Variants in ENPP2 observed in about 807,000 individuals in gnomAD.
ENPP2 encodes ectonucleotide pyrophosphatase/phosphodiesterase 2.
Under a neutral mutation model 120.2 loss-of-function variants are expected in ENPP2, and 51 were observed. The observed-to-expected ratio is 0.42, with a 90% CI of 0.34 to 0.54. The LOEUF (loss-of-function observed/expected upper bound fraction) is 0.54, where lower values mean the gene tolerates loss of function less well. ENPP2 is among the 20% of genes least tolerant of loss of function. ENPP2 has a pLI of 0.04. For missense variants in ENPP2, 920 were observed against 1,066.5 expected, an observed-to-expected ratio of 0.86 and a Z score of 1.91; for synonymous variants, 365 against 366.4, an observed-to-expected ratio of 1.00 and a Z score of 0.04.
At chr8:119,643,747 A>C (rs1309068311), upstream of ENPP2, among the ~76,000 whole-genome samples, 1 of 152,214 alleles carries the variant, frequency 6.6e-6, no homozygotes. Context: ...GTAAAATTAC[A>C]ACTGTGGAAA....
intron 3 of ENPP2, among the ~76,000 whole-genome samples, chr8:119,623,477 A>AAG (rs752875513): frequency 6.6e-6 from 1 of 152,120 alleles, no homozygotes; most frequent in African/African-American, 2.4e-5. Context: ...AAGATTAAAA[A>AAG]AGAGAGAGAG....
Position 119,586,177 on chromosome 8 carries a change from A to G in ENPP2, c.1367+9T>C. The G allele has an allele frequency of 1.2e-6, 2 of 1,613,704 alleles. No individual in the cohort carries two copies. The highest frequency in any genetic ancestry group is 1.7e-6 in the Non-Finnish European group (2 of 1,179,782). ...AATGAGAAACAGAAATAGCCCATAT[A>G]CCAGTTACCTTGCAACATGCCATCT... On this transcript the variant is annotated intron_variant, in intron 15 of 24. Transcript: ENST00000075322.
Position 119,626,734 on chromosome 8 carries a change from G to C in ENPP2, c.137-14C>G. 1 of 1,613,450 alleles carries C rather than the reference G, an allele frequency of 6.2e-7. No homozygotes were observed. The highest frequency in any genetic ancestry group is 8.5e-7 in the Non-Finnish European group (1 of 1,179,564). ...AGTCTGATAGCACTGCAAAGAACAA[G>C]AGGCAAAAACAATGGACTGGAGAGT... On this transcript the variant is annotated splice_polypyrimidine_tract_variant and intron_variant, in intron 2 of 24. Transcript: ENST00000075322.
chr8:119,632,410 A>G (rs1487274695), intron 2 of ENPP2, among the ~76,000 whole-genome samples: 1 of 152,238 alleles, frequency 6.6e-6, no homozygotes, highest in African/African-American at 2.4e-5. Context: ...ATGAGATTCA[A>G]ATTCTATTGC....
upstream of ENPP2, among the ~76,000 whole-genome samples, chr8:119,639,990 C>G (rs1379980372): frequency 6.6e-6 from 1 of 152,122 alleles, no homozygotes; most frequent in Non-Finnish European, 1.5e-5. Flanking sequence ...TGTGTTCGTG[C>G]GTAAACAAAT....
intron 1 of ENPP2, among the ~76,000 whole-genome samples, chr8:119,645,421 T>C (rs1004421073): frequency 2.0e-5 from 3 of 152,252 alleles, no homozygotes; most frequent in Admixed American, 6.5e-5. Context: ...TAGTTAATAA[T>C]GACAACTACT....
Position 119,616,246 on chromosome 8 carries a change from C to T in ENPP2, c.777+19G>A. The T allele has an allele frequency of 6.3e-7, 1 of 1,598,540 alleles. No homozygotes were observed. The highest frequency in any genetic ancestry group is 8.5e-7 in the Non-Finnish European group (1 of 1,169,596). On this transcript the variant is annotated intron_variant, in intron 8 of 24. Transcript: ENST00000075322. ...ATGAACACACAAACACATAGACACA[C>T]AATAAATGCAAAACTTACCGGTTGA...
intron 19 of ENPP2, among the ~76,000 whole-genome samples, chr8:119,575,491 C>T (rs1812271514): frequency 1.3e-5 from 2 of 152,132 alleles, no homozygotes; most frequent in South Asian, 4.1e-4. Flanking sequence ...AGTCTCTCTA[C>T]TTAGGCCACA....
At chr8:119,657,388 T>C (rs563621051) in intron 1 of ENPP2, among the ~76,000 whole-genome samples, 18 of 152,220 alleles carry the variant, frequency 1.2e-4, no homozygotes, top group Non-Finnish European at 7.3e-5. Flanking sequence ...GTTTGTTCTA[T>C]TGGAAATTCT....
Position 119,593,775 on chromosome 8 carries a change from T to C in ENPP2, c.1058A>G (p.Asn353Ser). The C allele has an allele frequency of 6.2e-7, 1 of 1,610,908 alleles. No individual in the cohort carries two copies. Among genetic ancestry groups the C allele is most frequent in the Admixed American group, 1.7e-5 (1 of 60,016 alleles). The change falls in exon 12 of 25, where the codon AAC (asparagine) becomes AGC (serine). Residue 353 changes from asparagine (N) to serine (S), a missense_variant. By Grantham distance (46) the Asn-to-Ser change is conservative. Transcript: ENST00000075322. ...LKQLKLHRCVNVIFVGDHGME... is the reference protein window; with the variant it reads ...LKQLKLHRCVSVIFVGDHGME... ...ACCATGGTCTCCGACAAAGATGACGTTGACACACCGATGCAGTTTTAGTTG... is the reference window on the plus strand; with the variant it reads ...ACCATGGTCTCCGACAAAGATGACGCTGACACACCGATGCAGTTTTAGTTG...
intron 1 of ENPP2, among the ~76,000 whole-genome samples, chr8:119,657,902 T>C (rs564107295): frequency 6.6e-6 from 1 of 152,326 alleles, no homozygotes; most frequent in South Asian, 2.1e-4. Flanking sequence ...GCATTGGTGC[T>C]CACAGCTGCA....
rs147551991 is a variant in ENPP2, at chr8:119,562,920, G to A, written c.2358C>T (p.Asp786=). The A allele has an allele frequency of 1.8e-4, 288 of 1,614,162 alleles. No homozygotes were observed. The African/African-American group carries it at 1.9e-3, about 11-fold the overall frequency. The change falls in exon 24 of 25, where the codon GAC becomes GAT. Residue 786 remains aspartate, a synonymous_variant. Transcript: ENST00000075322. ...TGAAGGAGGACACAGAGAGAGGGCC[G>A]TCACACTTGTCGGCAGGCTGAGTGA... ...LDFTQPADKC[D]GPLSVSSFIL...
chr8:119,665,334 T>A (rs537619710), intron 1 of ENPP2, among the ~76,000 whole-genome samples: 25 of 152,304 alleles, frequency 1.6e-4, no homozygotes, highest in Non-Finnish European at 2.6e-4. Context: ...CACTCTACAA[T>A]GGACACCTTC....
chr8:119,641,324 A>AC (rs1389605563), upstream of ENPP2, among the ~76,000 whole-genome samples: 2 of 152,028 alleles, frequency 1.3e-5, no homozygotes, highest in Non-Finnish European at 2.9e-5. Context: ...GCTGAAAAAA[A>AC]AAAACAAAAA....
intron 1 of ENPP2, among the ~76,000 whole-genome samples, chr8:119,664,217 G>A (rs894709757): frequency 6.6e-6 from 1 of 152,202 alleles, no homozygotes. Context: ...AGAGAAGGAA[G>A]ATGATATTTG....
intron 2 of ENPP2, among the ~76,000 whole-genome samples, chr8:119,631,642 A>C (rs1302552215): frequency 7.2e-5 from 11 of 152,196 alleles, no homozygotes; most frequent in Non-Finnish European, 1.6e-4. Flanking sequence ...TTAAATTAAC[A>C]AATAAATAAA....
At position 119,669,722 on chromosome 8, in the gene ENPP2, A is replaced by T. The variant is rs1818184653; in HGVS notation, c.21+3530T>A. Among the ~76,000 whole-genome samples the T allele has an allele frequency of 2.0e-5, 3 of 152,340 alleles. No individual in the cohort carries two copies. The East Asian group carries it at 5.8e-4, about 29-fold the overall frequency. ...ACTGAAAGTTCATACAAAGTGCAAT[A>T]TGTGGTGTATCCTGCATTTTTTTCT... On this transcript the variant is annotated intron_variant, in intron 1 of 25. Transcript: ENST00000427067.
chr8:119,604,934 T>C (rs1417888601), intron 9 of ENPP2, among the ~76,000 whole-genome samples: 1 of 151,786 alleles, frequency 6.6e-6, no homozygotes, highest in Non-Finnish European at 1.5e-5. Context: ...CCACCACGCC[T>C]GGCTAATTTT....
At chr8:119,604,981 G>A (rs1223652346) in intron 9 of ENPP2, among the ~76,000 whole-genome samples, 1 of 152,022 alleles carries the variant, frequency 6.6e-6, no homozygotes, top group Non-Finnish European at 1.5e-5. Flanking sequence ...CACCGTGTTA[G>A]CCAGGATGTT....
Sources: gnomAD v4.1 joint callset for allele counts (sites outside exome capture counted in the v4.1 genomes callset) on GRCh38, gnomAD v4.1.1 for gene constraint, MANE v1.5 for transcripts, NCBI Gene and HGNC (gene_info 2026-07-23, HGNC 2026-07-21) for gene names.